Variants in GXYLT2 observed in about 807,000 individuals in gnomAD.
The protein encoded by GXYLT2 is glycosyltransferase 8 domain containing 4.
GXYLT2 carries 53 observed loss-of-function variants against 45.8 expected under a neutral mutation model. The ratio of observed to expected loss-of-function variants is 1.16; its 90% CI spans 0.93 to 1.46. The LOEUF (loss-of-function observed/expected upper bound fraction) is 1.46, where lower values mean the gene tolerates loss of function less well. Ranked by LOEUF, GXYLT2 falls within the 40% of genes most tolerant of loss-of-function variation. The probability of loss-of-function intolerance (pLI) is 0.00; values close to 1 mark genes in which losing one functional copy is unlikely to be tolerated. For synonymous variants in GXYLT2, 219 were observed against 214.2 expected, an observed-to-expected ratio of 1.02 and a Z score of -0.19; for missense variants, 551 against 544.4, an observed-to-expected ratio of 1.01 and a Z score of -0.12.
intron 1 of GXYLT2, among the ~76,000 whole-genome samples, chr3:72,893,262 C>A (rs973003339): frequency 6.6e-6 from 1 of 152,214 alleles, no homozygotes; most frequent in African/African-American, 2.4e-5. Context: ...ACTCTCCATT[C>A]ACTTGCTCTG....
In GXYLT2 at chr3:72,975,073, G is replaced by A. The variant is rs372119586; in HGVS notation, c.1246G>A (p.Val416Ile). ...VHTLCGRIPQ[V>I]FLKQIEKTMK... is the part of the protein sequence containing the mutation. The stretch of plus-strand genomic sequence containing the variant: ...CACTTTATGTGGACGAATCCCGCAA[G>A]TTTTTCTGAAGCAAATTGAGAAAAC... The change falls in exon 7 of 7, where the codon GTT (valine) becomes ATT (isoleucine). Residue 416 changes from valine (V) to isoleucine (I), a missense_variant. Coordinates refer to ENST00000389617, the MANE Select transcript of GXYLT2 (RefSeq NM_001080393.2). The A allele has an allele frequency of 4.3e-6, 7 of 1,613,608 alleles. No individual in the cohort carries two copies. The African/African-American group carries it at 9.3e-5, about 22-fold the overall frequency.
At chr3:72,890,719 A>C (rs539237233) in intron 1 of GXYLT2, among the ~76,000 whole-genome samples, 1 of 152,324 alleles carries the variant, frequency 6.6e-6, no homozygotes, top group South Asian at 2.1e-4. Context: ...AGTGTCTCTG[A>C]CTAGGAGGAG....
intron 3 of GXYLT2, among the ~76,000 whole-genome samples, chr3:72,939,971 G>C (rs532099061): frequency 2.6e-5 from 4 of 152,260 alleles, no homozygotes; most frequent in African/African-American, 9.6e-5. Context: ...ACAGACTTGA[G>C]CCACTGCACT....
Position 72,975,008 on chromosome 3 carries a change from T to G in GXYLT2, c.1181T>G (p.Met394Arg). 1 of 1,601,872 alleles carries G rather than the reference T, an allele frequency of 6.2e-7. No homozygotes were observed. The highest frequency in any genetic ancestry group is 2.2e-5 in the East Asian group (1 of 44,578). The part of the protein sequence containing the change: ...FPFQDNLFQS[M>R]YYPLQLKFLE... Reference sequence around the variant, plus strand: ...TTTCAAGACAATCTCTTTCAATCCATGTATTACCCCCTTCAGCTGAAGTTT... The same window carrying G: ...TTTCAAGACAATCTCTTTCAATCCAGGTATTACCCCCTTCAGCTGAAGTTT... The change falls in exon 7 of 7, where the codon ATG (methionine) becomes AGG (arginine). Residue 394 changes from methionine to arginine, a missense_variant. By Grantham distance (91) the Met-to-Arg change is moderately conservative (BLOSUM62 -1). Coordinates refer to ENST00000389617, the MANE Select transcript of GXYLT2 (RefSeq NM_001080393.2).
At chr3:72,915,227 G>T (rs1179478902) in intron 2 of GXYLT2, among the ~76,000 whole-genome samples, 1 of 151,706 alleles carries the variant, frequency 6.6e-6, no homozygotes, top group Non-Finnish European at 1.5e-5. Context: ...AACATGGTGA[G>T]GAGTTGTTTT....
At chr3:72,910,434 T>A (rs542019554) in intron 2 of GXYLT2, among the ~76,000 whole-genome samples, 4 of 152,326 alleles carry the variant, frequency 2.6e-5, no homozygotes, top group Non-Finnish European at 4.4e-5. Flanking sequence ...GTTAGTCTTT[T>A]GGCCTTTTTG....
intron 3 of GXYLT2, among the ~76,000 whole-genome samples, chr3:72,937,329 G>GT (rs1710205435): frequency 6.6e-6 from 1 of 152,108 alleles, no homozygotes; most frequent in Admixed American, 6.5e-5. Flanking sequence ...ATGAAAATGC[G>GT]TTTTTTACTA....
chr3:72,965,877 A>G (rs1305418910), intron 5 of GXYLT2, among the ~76,000 whole-genome samples: 1 of 152,196 alleles, frequency 6.6e-6, no homozygotes, highest in African/African-American at 2.4e-5. Flanking sequence ...ACATATGTGC[A>G]CATATGGCCA....
intron 3 of GXYLT2, among the ~76,000 whole-genome samples, chr3:72,928,625 C>A (rs183775553): frequency 1.3e-5 from 2 of 152,166 alleles, no homozygotes; most frequent in Admixed American, 1.3e-4. Context: ...AAACCATAGG[C>A]CAGTTAGTTT....
chr3:72,905,960 G>A (rs918734860), intron 1 of GXYLT2, among the ~76,000 whole-genome samples: 1 of 152,160 alleles, frequency 6.6e-6, no homozygotes, highest in Non-Finnish European at 1.5e-5. Context: ...CTGTTTGGGG[G>A]CAGGTGAGGG....
chr3:72,944,905 C>A (rs192788810), intron 3 of GXYLT2, among the ~76,000 whole-genome samples: 1 of 152,080 alleles, frequency 6.6e-6, no homozygotes, highest in African/African-American at 2.4e-5. Flanking sequence ...TAGAGGGTGA[C>A]GTCCCAGACA....
intron 1 of GXYLT2, among the ~76,000 whole-genome samples, chr3:72,901,122 C>G (rs1709396359): frequency 6.6e-6 from 1 of 152,082 alleles, no homozygotes; most frequent in South Asian, 2.1e-4. Flanking sequence ...AACCCCGTCT[C>G]TATTAAAAAT....
At chr3:72,904,877 C>CAAAAA (rs774693806) in intron 1 of GXYLT2, among the ~76,000 whole-genome samples, 1 of 30,636 alleles carries the variant, frequency 3.3e-5, no homozygotes, top group African/African-American at 8.1e-5. Flanking sequence ...ACTAAAGATA[C>CAAAAA]AAAAAAAAAA....
At chr3:72,962,665 T>G (rs1361292288) in intron 5 of GXYLT2, among the ~76,000 whole-genome samples, 1 of 152,116 alleles carries the variant, frequency 6.6e-6, no homozygotes, top group African/African-American at 2.4e-5. Context: ...AACAGATGAG[T>G]TAAACAAAGT....
rs199847415 is a variant in GXYLT2 at position 72,904,631 on chromosome 3, CT to C, written c.276-3727del. Among the ~76,000 whole-genome samples the C allele has an allele frequency of 7.3e-4, 108 of 147,558 alleles. No individual in the cohort carries two copies. In the East Asian group the frequency reaches 0.016, roughly 22 times the overall value. On this transcript the variant is annotated intron_variant, in intron 1 of 6. Coordinates refer to ENST00000389617, the MANE Select transcript of GXYLT2 (RefSeq NM_001080393.2). ...CTGCTGTCTTGCAGAACAGTGCATGCTTTTTTTTTAATTAAAAAAAAAAAAA... is the reference window on the plus strand; with the variant it reads ...CTGCTGTCTTGCAGAACAGTGCATGCTTTTTTTTAATTAAAAAAAAAAAAA...
chr3:72,917,261 T>C (rs918383824), intron 2 of GXYLT2, among the ~76,000 whole-genome samples: 2 of 152,104 alleles, frequency 1.3e-5, no homozygotes, highest in African/African-American at 2.4e-5. Flanking sequence ...CCCATACTTT[T>C]TCGAGGGCTG....
chr3:72,907,596 T>G (rs1709536595), intron 1 of GXYLT2, among the ~76,000 whole-genome samples: 1 of 152,146 alleles, frequency 6.6e-6, no homozygotes, highest in African/African-American at 2.4e-5. Context: ...AGGAAATAGC[T>G]GGATGATGAT....
intron 3 of GXYLT2, among the ~76,000 whole-genome samples, chr3:72,924,968 T>G (rs1003204249): frequency 6.6e-5 from 10 of 151,920 alleles, no homozygotes; most frequent in Admixed American, 5.9e-4. Context: ...ACTTTGATTT[T>G]GAGGTGGCTG....
At chr3:72,895,680 G>T (rs1709274760) in intron 1 of GXYLT2, among the ~76,000 whole-genome samples, 1 of 152,172 alleles carries the variant, frequency 6.6e-6, no homozygotes. Flanking sequence ...GTTGAAGATA[G>T]AATTCATTTA....
Sources: allele counts gnomAD v4.1 joint callset (sites outside exome capture counted in the v4.1 genomes callset), GRCh38; gene constraint gnomAD v4.1.1; transcripts MANE v1.5; gene names NCBI Gene and HGNC (gene_info 2026-07-23, HGNC 2026-07-21).